MRNIP: variants seen among roughly 807,000 people sequenced by gnomAD.
The protein encoded by MRNIP is MRN complex-interacting protein.
Under a neutral mutation model 29.8 loss-of-function variants are expected in MRNIP, and 30 were observed. The ratio of observed to expected loss-of-function variants is 1.01; its 90% CI spans 0.75 to 1.36. MRNIP has a LOEUF of 1.36. Ranked by LOEUF, MRNIP falls within the 40% of genes most tolerant of loss-of-function variation. The pLI, the probability that MRNIP is intolerant of heterozygous loss-of-function variation, is 0.00. For missense variants in MRNIP, 459 were observed against 423.5 expected (o/e 1.08, Z -0.74); for synonymous variants, 201 against 164.1 (o/e 1.23, Z -1.72).
intron 4 of MRNIP, among the ~76,000 whole-genome samples, chr5:179,843,051 A>AAGGAAGGAAGGGAGGG (rs769342376): frequency 1.4e-4 from 18 of 129,022 alleles, no homozygotes; most frequent in Non-Finnish European, 2.6e-4. Flanking sequence ...AGAAGGAAGG[A>AAGGAAGGAAGGGAGGG]AGGAAGGAAG....
rs886060507 is a variant in MRNIP, at chr5:179,837,321, T to TA, written c.*69dup. ...GTTAATGGTTCTTACAGAGTATCTT[T>TA]AAAAGTGCCTTAGGGGAACCCTGTC... is the stretch of plus-strand genomic sequence containing the variant. On this transcript the variant is annotated 3_prime_UTR_variant, in exon 7 of 7. Coordinates refer to ENST00000292586, the MANE Select transcript of MRNIP (RefSeq NM_016175.4). The TA allele has an allele frequency of 1.1e-5, 18 of 1,592,958 alleles. No homozygotes were observed. Among genetic ancestry groups the TA allele is most frequent in the Non-Finnish European group, 1.5e-5 (17 of 1,169,504 alleles).
rs114662915 is a variant in MRNIP at position 179,853,499 on chromosome 5, G to A, written c.67-62C>T. On this transcript the variant is annotated intron_variant, in intron 1 of 6. Coordinates refer to ENST00000292586, the MANE Select transcript of MRNIP (RefSeq NM_016175.4). The stretch of plus-strand genomic sequence containing the variant: ...ATTTAAAACAAAATGGAATTGGGCT[G>A]GACTCGGTGGCTCATGCCTGTAATC... 4.0e-3 allele frequency: 5,606 copies of A among 1,390,980 alleles called. 193 individuals carry two copies. In the African/African-American group the frequency reaches 0.07, roughly 17 times the overall value. 86.2% of individuals were successfully genotyped at this position (1,390,980 alleles called of 1,614,324 possible). A position where few individuals can be genotyped will look rare whatever the true frequency, so the allele number is the denominator to read the frequency against.
chr5:179,856,202 G>A (rs376499969), intron 1 of MRNIP, among the ~76,000 whole-genome samples: 1 of 151,994 alleles, frequency 6.6e-6, no homozygotes, highest in Non-Finnish European at 1.5e-5. Context: ...CACCGCACCC[G>A]GCCAAGAAAA....
At chr5:179,846,502 C>T (rs139012782) in intron 3 of MRNIP, among the ~76,000 whole-genome samples, 2 of 151,952 alleles carry the variant, frequency 1.3e-5, no homozygotes, top group Admixed American at 6.6e-5. Context: ...AGGATGGTCT[C>T]GATCTCTTGA....
At chr5:179,840,982 A>T (rs909794081) in intron 5 of MRNIP, 23 bp from the exon 6 acceptor site, 1 of 1,546,094 alleles carries the variant, frequency 6.5e-7, no homozygotes, top group African/African-American at 1.4e-5. Flanking sequence ...GACCGTCAGT[A>T]GTCCCGTGCT....
intron 5 of MRNIP, chr5:179,841,180 C>A: frequency 1.8e-6 from 1 of 552,800 alleles, no homozygotes; most frequent in East Asian, 3.1e-5. Context: ...CAGGGTCTCA[C>A]CGGCACCCAG....
chr5:179,842,699 C>CAAAAAAAAAAAAAAAAA (rs58952171), intron 4 of MRNIP, among the ~76,000 whole-genome samples: 3 of 28,998 alleles, frequency 1.0e-4, no homozygotes, highest in African/African-American at 3.5e-4. Context: ...GACTCCGTCT[C>CAAAAAAAAAAAAAAAAA]AAAAAAAAAA....
intron 2 of MRNIP, among the ~76,000 whole-genome samples, chr5:179,848,988 C>T (rs1330018146): frequency 2.0e-5 from 3 of 151,774 alleles, no homozygotes; most frequent in Admixed American, 2.0e-4. Flanking sequence ...ATGGCACAGG[C>T]AGATGGTACA....
intron 4 of MRNIP, among the ~76,000 whole-genome samples, chr5:179,843,109 GA>G (rs1392002914): frequency 6.6e-6 from 1 of 151,740 alleles, no homozygotes; most frequent in Non-Finnish European, 1.5e-5. Context: ...CAGAAGTGTG[GA>G]AACAACCTAA....
intron 3 of MRNIP, among the ~76,000 whole-genome samples, chr5:179,845,207 CT>C (rs575096592): frequency 4.4e-5 from 6 of 136,416 alleles, no homozygotes; most frequent in Admixed American, 7.0e-5. Context: ...TTAATTTCTT[CT>C]TTTTTTTTTG....
intron 4 of MRNIP, among the ~76,000 whole-genome samples, chr5:179,842,533 CAAAA>C (rs1293432933): frequency 7.6e-6 from 1 of 131,732 alleles, no homozygotes; most frequent in South Asian, 2.3e-4. Context: ...AAAACAACAA[CAAAA>C]AAAAAACAAA....
At chr5:179,844,567 C>A (rs1415538753) in intron 3 of MRNIP, among the ~76,000 whole-genome samples, 1 of 152,102 alleles carries the variant, frequency 6.6e-6, no homozygotes, top group Non-Finnish European at 1.5e-5. Context: ...GGACCACAGG[C>A]ACGCACCACT....
chr5:179,837,962 G>A (rs1365969076), intron 6 of MRNIP, 77 bp from the exon 7 acceptor site: 2 of 1,419,872 alleles, frequency 1.4e-6, no homozygotes, highest in African/African-American at 1.4e-5. Context: ...CCCTGCCTGG[G>A]CCTTGGCTGG....
At chr5:179,842,569 A>G (rs1007446587) in intron 4 of MRNIP, among the ~76,000 whole-genome samples, 3 of 150,098 alleles carry the variant, frequency 2.0e-5, no homozygotes, top group South Asian at 2.1e-4. Context: ...GCGTGATGGC[A>G]GGCACCTGTA....
At chr5:179,851,852 C>A (rs1333302157) in intron 2 of MRNIP, among the ~76,000 whole-genome samples, 1 of 151,844 alleles carries the variant, frequency 6.6e-6, no homozygotes, top group Non-Finnish European at 1.5e-5. Context: ...GTGGTGGGAG[C>A]CTGTGGTCCC....
intron 1 of MRNIP, among the ~76,000 whole-genome samples, chr5:179,855,907 GTTT>G (rs1205010985): frequency 4.5e-5 from 5 of 111,034 alleles, no homozygotes; most frequent in Non-Finnish European, 3.7e-5. Context: ...AAGAAAAGTT[GTTT>G]TTTTTTTTTT....
At chr5:179,857,911 T>C (rs1225504788) in intron 1 of MRNIP, among the ~76,000 whole-genome samples, 2 of 150,166 alleles carry the variant, frequency 1.3e-5, no homozygotes, top group Non-Finnish European at 2.9e-5. Flanking sequence ...CTCGGGAGGC[T>C]GAGGCAGGAG....
rs1582038702 is a variant in MRNIP, at chr5:179,840,474, CAGGGCA to C, written c.537+392_537+397del. On this transcript the variant is annotated intron_variant, in intron 6 of 6. Coordinates refer to ENST00000292586, the MANE Select transcript of MRNIP (RefSeq NM_016175.4). ...GTGCCTCACATACAAGAGTCCACAG[CAGGGCA>C]AATGCGAGTGTGGAGGGAAGCATCT... 11 of 333,110 alleles carry C rather than the reference CAGGGCA, an allele frequency of 3.3e-5. No homozygotes were observed. The East Asian group carries it at 6.5e-4, about 20-fold the overall frequency. The allele number at this position is 333,110 out of a possible 1,614,324, so 20.6% of individuals were successfully genotyped here.
At chr5:179,857,291 T>C (rs1438160502) in intron 1 of MRNIP, among the ~76,000 whole-genome samples, 1 of 151,630 alleles carries the variant, frequency 6.6e-6, no homozygotes, top group Non-Finnish European at 1.5e-5. Context: ...TGAAACCCCG[T>C]CTCTACTAAA....
Sources: gnomAD v4.1 joint callset for allele counts (sites outside exome capture counted in the v4.1 genomes callset) on GRCh38, gnomAD v4.1.1 for gene constraint, MANE v1.5 for transcripts, NCBI Gene and HGNC (gene_info 2026-07-23, HGNC 2026-07-21) for gene names.